The following NR5A2 variants were observed in gnomAD, a reference collection of about 807,000 sequenced individuals.
NR5A2 encodes the protein CYP7A promoter-binding factor.
Under a neutral mutation model 62.7 loss-of-function variants are expected in NR5A2, and 26 were observed. The ratio of observed to expected loss-of-function variants is 0.41; its 90% CI spans 0.30 to 0.58. The LOEUF is 0.58. Ranked by LOEUF, NR5A2 falls within the 20% of genes least tolerant of loss-of-function variation. The pLI is 0.22. For synonymous variants in NR5A2, 246 were observed against 241.7 expected, an observed-to-expected ratio of 1.02 and a Z score of -0.16; for missense variants, 541 against 669.1, an observed-to-expected ratio of 0.81 and a Z score of 2.11.
intron 7 of NR5A2, among the ~76,000 whole-genome samples, chr1:200,156,010 C>T (rs1309285023): frequency 6.6e-6 from 1 of 152,164 alleles, no homozygotes; most frequent in Admixed American, 6.6e-5. Context: ...AAATCCACTA[C>T]TTCCCAAGAT....
At chr1:200,038,882 C>T (rs1489748522) in intron 1 of NR5A2, 1 of 620,938 alleles carries the variant, frequency 1.6e-6, no homozygotes, top group East Asian at 9.5e-5. Flanking sequence ...GCCTGAGCCT[C>T]ATCCTTATTG....
intron 5 of NR5A2, among the ~76,000 whole-genome samples, chr1:200,053,203 A>G (rs906451804): frequency 6.6e-6 from 1 of 152,204 alleles, no homozygotes; most frequent in Admixed American, 6.5e-5. Context: ...GAAAAGGGCT[A>G]GAGGACACAT....
rs143127307 is a variant in NR5A2 at position 200,077,978 on chromosome 1, A to G, written c.1110+29160A>G. ...GCATAAAACAGAAATTTTGCATGCA[A>G]TCCCAGGGCTTCATGGACTCATTGA... On this transcript the variant is annotated intron_variant, in intron 5 of 7. Coordinates refer to ENST00000367362, the MANE Select transcript of NR5A2 (RefSeq NM_205860.3). Among the ~76,000 whole-genome samples, 132 of 152,284 alleles carry G rather than the reference A, an allele frequency of 8.7e-4. No individual in the cohort carries two copies. The East Asian group carries it at 0.016, about 19-fold the overall frequency.
At chr1:200,088,319 G>A (rs12145947) in intron 5 of NR5A2, among the ~76,000 whole-genome samples, 6 of 151,882 alleles carry the variant, frequency 4.0e-5, no homozygotes, top group South Asian at 2.1e-4. Context: ...GTGCAGTCGC[G>A]CGATCCTGGC....
In NR5A2 at chr1:200,106,247, C is replaced by T. The variant is rs12088209; in HGVS notation, c.1111-4955C>T. Among the ~76,000 whole-genome samples, 92 of 151,970 alleles carry T rather than the reference C, an allele frequency of 6.1e-4. 1 individual carries two copies. Among genetic ancestry groups the T allele is most frequent in the African/African-American group, 1.9e-3 (78 of 41,452 alleles). On this transcript the variant is annotated intron_variant, in intron 5 of 7. Coordinates refer to ENST00000367362, the MANE Select transcript of NR5A2 (RefSeq NM_205860.3). ...TAATTTTTTGTATTTTTAGTAGAGA[C>T]GGGGTTTCACTATGTTGGCCAGGCT...
chr1:200,114,611 G>T (rs1168362019), intron 6 of NR5A2, among the ~76,000 whole-genome samples: 3 of 152,190 alleles, frequency 2.0e-5, no homozygotes, highest in Admixed American at 6.5e-5. Context: ...CTACCAGAGA[G>T]AATTGCAGTA....
intron 5 of NR5A2, among the ~76,000 whole-genome samples, chr1:200,074,438 G>A (rs1291862618): frequency 6.6e-6 from 1 of 150,402 alleles, no homozygotes; most frequent in Non-Finnish European, 1.5e-5. Flanking sequence ...AAGAAAGAGA[G>A]AAAGAAAGAA....
At chr1:200,149,854 T>A (rs766577557) in intron 7 of NR5A2, among the ~76,000 whole-genome samples, 1 of 152,202 alleles carries the variant, frequency 6.6e-6, no homozygotes, top group African/African-American at 2.4e-5. Context: ...ACATATGAAC[T>A]ACTATTCATC....
chr1:200,133,322 C>T lies in NR5A2; in HGVS notation c.1378+12367C>T, dbSNP rs150455750. ...ACAGTCACTCACACTTTGACTCTCT[C>T]CACTTTACTCTGGGTACATGGAGCT... On this transcript the variant is annotated intron_variant, in intron 7 of 7. Coordinates refer to ENST00000367362, the MANE Select transcript of NR5A2 (RefSeq NM_205860.3). Among the ~76,000 whole-genome samples the T allele has an allele frequency of 5.8e-3, 886 of 151,988 alleles. 5 individuals are homozygous for T. Among genetic ancestry groups the T allele is most frequent in the Non-Finnish European group, 9.6e-3 (654 of 67,970 alleles).
At chr1:200,034,691 A>C (rs1661689391) in intron 1 of NR5A2, among the ~76,000 whole-genome samples, 1 of 148,944 alleles carries the variant, frequency 6.7e-6, no homozygotes, top group Non-Finnish European at 1.5e-5. Context: ...CCAGATCGAG[A>C]TACTCTCATA....
intron 7 of NR5A2, among the ~76,000 whole-genome samples, chr1:200,163,298 AAAAAAG>A (rs1159148185): frequency 2.0e-5 from 3 of 151,394 alleles, no homozygotes; most frequent in Admixed American, 2.0e-4. Flanking sequence ...AAAGAAAAGA[AAAAAAG>A]AAAAATGTTG....
chr1:200,036,035 G>A (rs12724534), intron 1 of NR5A2, among the ~76,000 whole-genome samples: 4,253 of 152,278 alleles, frequency 0.028, 83 homozygotes, highest in Middle Eastern at 0.088. Flanking sequence ...ACACTAAGAG[G>A]TACAGTGGCA....
At chr1:200,050,085 C>G (rs1206701882) in intron 5 of NR5A2, among the ~76,000 whole-genome samples, 1 of 152,150 alleles carries the variant, frequency 6.6e-6, no homozygotes, top group Non-Finnish European at 1.5e-5. Flanking sequence ...AAGGATATCT[C>G]AGGCTGCAAA....
chr1:200,079,363 T>C (rs1664185427), intron 5 of NR5A2, among the ~76,000 whole-genome samples: 1 of 152,216 alleles, frequency 6.6e-6, no homozygotes, highest in African/African-American at 2.4e-5. Flanking sequence ...CCATTGCCTT[T>C]GAATTATTTC....
chr1:200,094,195 T>G (rs9661669), intron 5 of NR5A2, among the ~76,000 whole-genome samples: 48,240 of 149,228 alleles, frequency 0.32, 8,874 homozygotes, highest in East Asian at 0.53. Flanking sequence ...TTTTTTTTTC[T>G]TTTTTTGGAG....
chr1:200,059,919 C>A (rs1663117238), intron 5 of NR5A2, among the ~76,000 whole-genome samples: 1 of 152,170 alleles, frequency 6.6e-6, no homozygotes, highest in Admixed American at 6.6e-5. Flanking sequence ...AAGAAAACCA[C>A]CCACAGCCAA....
intron 7 of NR5A2, among the ~76,000 whole-genome samples, chr1:200,167,976 G>A (rs150286739): frequency 2.0e-5 from 3 of 152,080 alleles, no homozygotes; most frequent in African/African-American, 4.8e-5. Context: ...TTGAGCTACT[G>A]TACACAGAGA....
intron 5 of NR5A2, among the ~76,000 whole-genome samples, chr1:200,055,142 A>G (rs1045625269): frequency 1.3e-5 from 2 of 150,730 alleles, no homozygotes; most frequent in Non-Finnish European, 2.9e-5. Context: ...CAGTCCTCCT[A>G]CCTTGGCCTC....
intron 7 of NR5A2, among the ~76,000 whole-genome samples, chr1:200,138,220 T>C (rs1212861498): frequency 6.6e-6 from 1 of 152,230 alleles, no homozygotes; most frequent in South Asian, 2.1e-4. Flanking sequence ...ATCACTCTAT[T>C]GTTGGACAAT....
Sources: allele counts gnomAD v4.1 joint callset (sites outside exome capture counted in the v4.1 genomes callset), GRCh38; gene constraint gnomAD v4.1.1; transcripts MANE v1.5; gene names NCBI Gene and HGNC (gene_info 2026-07-23, HGNC 2026-07-21).